The following IFIT1B variants were observed in gnomAD, a reference collection of about 807,000 sequenced individuals.
The protein encoded by IFIT1B is interferon induced protein with tetratricopeptide repeats 1B, also known as protein IFIT1 homolog B.
Under a neutral mutation model 2.5 loss-of-function variants are expected in IFIT1B, and 3 were observed. That is an observed-to-expected ratio of 1.21 (90% CI 0.55 to 3.14). The LOEUF is 3.14. IFIT1B is among the 30% of genes most tolerant of loss of function. The pLI is 0.03. For missense variants in IFIT1B, 545 were observed against 556.5 expected (o/e 0.98, Z 0.21); for synonymous variants, 196 against 203.0 (o/e 0.97, Z 0.29).
Position 89,379,986 on chromosome 10 carries a change from G to A in IFIT1B, c.5+1846G>A, listed in dbSNP as rs187631128. Among the ~76,000 whole-genome samples, 95 of 150,500 alleles carry A rather than the reference G, an allele frequency of 6.3e-4. 1 individual carries two copies. The highest frequency in any genetic ancestry group is 2.2e-3 in the African/African-American group (90 of 40,838). On this transcript the variant is annotated intron_variant, in intron 1 of 1. Coordinates refer to ENST00000371809, the MANE Select transcript of IFIT1B (RefSeq NM_001010987.2). ...GGAGGCGGAGCTTGAAGTGAGCCGA[G>A]ATTGCACCACTGCACTCCAGCCTGG...
At chr10:89,382,167 T>C (rs1844168449) in intron 1 of IFIT1B, among the ~76,000 whole-genome samples, 1 of 152,226 alleles carries the variant, frequency 6.6e-6, no homozygotes, top group Admixed American at 6.5e-5. Flanking sequence ...TATGGTTATA[T>C]TGAGTCAGGA....
chr10:89,384,313 A>G lies in IFIT1B; in HGVS notation c.1000A>G (p.Met334Val), dbSNP rs147931699. 2.9e-5 allele frequency: 47 copies of G among 1,614,238 alleles called. No individual in the cohort carries two copies. The African/African-American group carries it at 4.4e-4, about 15-fold the overall frequency. ...LAICKFEKTI[M>V]LKRTFEMAYV... Reference sequence around the variant, plus strand: ...TATATGCAAATTTGAAAAGACTATAATGTTAAAGCGAACATTTGAGATGGC... The same window carrying G: ...TATATGCAAATTTGAAAAGACTATAGTGTTAAAGCGAACATTTGAGATGGC... The change falls in exon 2 of 2, where the codon ATG becomes GTG. Residue 334 changes from methionine (M) to valine (V), a missense_variant. Physicochemically the swap from Met to Val is conservative, Grantham distance 21. Transcript: ENST00000371809.
rs768589556 is a variant in IFIT1B at position 89,384,288 on chromosome 10, T to C, written c.975T>C (p.Ala325=). The C allele has an allele frequency of 1.2e-6, 2 of 1,614,210 alleles. No homozygotes were observed. Among genetic ancestry groups the C allele is most frequent in the Admixed American group, 3.3e-5 (2 of 60,022 alleles). Residue 325 remains alanine (A), a synonymous_variant, in exon 2 of 2, where the codon GCT becomes GCC. Coordinates refer to ENST00000371809, the MANE Select transcript of IFIT1B (RefSeq NM_001010987.2). The stretch of plus-strand genomic sequence containing the variant: ...CTGTGGACAGATTGGTTCAATTGGC[T>C]ATATGCAAATTTGAAAAGACTATAA... The part of the protein sequence containing the change: ...RETVDRLVQL[A]ICKFEKTIML...
At position 89,384,451 on chromosome 10, in the gene IFIT1B, A is replaced by T. The variant is rs752605143; in HGVS notation, c.1138A>T (p.Ile380Phe). The T allele has an allele frequency of 3.7e-6, 6 of 1,614,114 alleles. No individual in the cohort carries two copies. Among genetic ancestry groups the T allele is most frequent in the Non-Finnish European group, 5.1e-6 (6 of 1,180,064 alleles). Residue 380 changes from isoleucine (I) to phenylalanine (F), a missense_variant, in exon 2 of 2, where the codon ATT becomes TTT. By Grantham distance (21) the Ile-to-Phe change is conservative. Coordinates refer to ENST00000371809, the MANE Select transcript of IFIT1B (RefSeq NM_001010987.2). Reference sequence around the variant, plus strand: ...CTTTGAAGATCAGCTAAAGCAAGAGATTCATTACCACTACGGCCGTTTCCA... The same window carrying T: ...CTTTGAAGATCAGCTAAAGCAAGAGTTTCATTACCACTACGGCCGTTTCCA... ...KIFEDQLKQE[I>F]HYHYGRFQEH...
intron 1 of IFIT1B, among the ~76,000 whole-genome samples, chr10:89,379,430 T>G (rs1347461581): frequency 6.6e-6 from 1 of 152,120 alleles, no homozygotes; most frequent in Non-Finnish European, 1.5e-5. Flanking sequence ...AAATAAGAAA[T>G]TTTGTAGGCA....
intron 1 of IFIT1B, among the ~76,000 whole-genome samples, chr10:89,379,742 A>T (rs1844148410): frequency 6.6e-6 from 1 of 152,108 alleles, no homozygotes; most frequent in African/African-American, 2.4e-5. Flanking sequence ...TGGTCATAAG[A>T]TGTTAGTTGT....
At chr10:89,379,580 G>A (rs1454463137) in intron 1 of IFIT1B, among the ~76,000 whole-genome samples, 2 of 152,208 alleles carry the variant, frequency 1.3e-5, no homozygotes, top group Admixed American at 6.5e-5. Flanking sequence ...GTCAGTGGGA[G>A]AGGAAGAACT....
Position 89,384,612 on chromosome 10 carries a change from T to A in IFIT1B, c.1299T>A (p.Asn433Lys). Residue 433 changes from asparagine to lysine, a missense_variant, in exon 2 of 2, where the codon AAT becomes AAA. Asn to Lys is a moderately conservative substitution (Grantham distance 94). Coordinates refer to ENST00000371809, the MANE Select transcript of IFIT1B (RefSeq NM_001010987.2). ...EKLAKRCIHQ[N>K]VRVVESVSLL... ...TGGCTAAAAGATGTATTCACCAGAA[T>A]GTACGGGTTGTGGAAAGTGTCAGCC... 2 of 1,614,208 alleles carry A rather than the reference T, an allele frequency of 1.2e-6. No individual in the cohort carries two copies.
intron 1 of IFIT1B, among the ~76,000 whole-genome samples, chr10:89,381,029 C>A (rs117488035): frequency 3.3e-5 from 5 of 152,126 alleles, no homozygotes; most frequent in African/African-American, 4.8e-5. Context: ...ATCTAGTATA[C>A]TTTTTTCCAC....
At chr10:89,381,607 A>G (rs1468554786) in intron 1 of IFIT1B, among the ~76,000 whole-genome samples, 1 of 152,158 alleles carries the variant, frequency 6.6e-6, no homozygotes, top group Non-Finnish European at 1.5e-5. Context: ...GGAGGGTCTA[A>G]GCATAGTAGG....
chr10:89,378,735 G>A (rs965967979), intron 1 of IFIT1B, among the ~76,000 whole-genome samples: 2 of 152,170 alleles, frequency 1.3e-5, no homozygotes, highest in Non-Finnish European at 2.9e-5. Context: ...AGATTCAGAG[G>A]GGCAAGATGA....
chr10:89,384,277 G>C lies in IFIT1B; in HGVS notation c.964G>C (p.Val322Leu). The C allele has an allele frequency of 1.2e-6, 2 of 1,614,156 alleles. No homozygotes were observed. Among genetic ancestry groups the C allele is most frequent in the Non-Finnish European group, 1.7e-6 (2 of 1,180,030 alleles). Residue 322 changes from valine (V) to leucine (L), a missense_variant, in exon 2 of 2, where the codon GTT becomes CTT. Coordinates refer to ENST00000371809, the MANE Select transcript of IFIT1B (RefSeq NM_001010987.2). ...AGATAGGGAAACTGTGGACAGATTG[G>C]TTCAATTGGCTATATGCAAATTTGA... The part of the protein sequence containing the change: ...GQDRETVDRL[V>L]QLAICKFEKT...
chr10:89,379,921 G>A (rs1026285946), intron 1 of IFIT1B, among the ~76,000 whole-genome samples: 5 of 152,014 alleles, frequency 3.3e-5, no homozygotes, highest in Non-Finnish European at 7.4e-5. Flanking sequence ...TGTAGTCCCA[G>A]CTACTCAGGA....
At chr10:89,382,894 G>A (rs533320770) in intron 1 of IFIT1B, among the ~76,000 whole-genome samples, 2 of 152,192 alleles carry the variant, frequency 1.3e-5, no homozygotes, top group Non-Finnish European at 2.9e-5. Flanking sequence ...ATGTGTTTAC[G>A]TGTTGAGAAC....
At position 89,378,879 on chromosome 10, in the gene IFIT1B, T is replaced by G. The variant is rs541467401; in HGVS notation, c.5+739T>G. ...ATCTTATTTCCAAAGATGTCATTTC[T>G]GTAGCACTTTCTAATAGAGGGACAA... is the stretch of plus-strand genomic sequence containing the variant. On this transcript the variant is annotated intron_variant, in intron 1 of 1. Transcript: ENST00000371809. Among the ~76,000 whole-genome samples the G allele has an allele frequency of 2.0e-5, 3 of 152,374 alleles. No individual in the cohort carries two copies. In the East Asian group the frequency reaches 5.8e-4, roughly 29 times the overall value.
rs778338379 is a variant in IFIT1B, at chr10:89,384,556, A to C, written c.1243A>C (p.Arg415=). ...GAAAATAGAAAAAATGTCCCATTCC[A>C]GGGAAAAACTTCTCAATGCTTTAGA... ...GLKIEKMSHS[R]EKLLNALEKL... Residue 415 remains arginine (R), a synonymous_variant, in exon 2 of 2, where the codon AGG becomes CGG. Transcript: ENST00000371809. The C allele has an allele frequency of 6.2e-7, 1 of 1,614,196 alleles. No homozygotes were observed. The highest frequency in any genetic ancestry group is 1.7e-5 in the Admixed American group (1 of 60,022).
rs777311029 is a variant in IFIT1B, at chr10:89,384,381, C to A, written c.1068C>A (p.His356Gln). 1 of 1,614,106 alleles carries A rather than the reference C, an allele frequency of 6.2e-7. No homozygotes were observed. The highest frequency in any genetic ancestry group is 8.5e-7 in the Non-Finnish European group (1 of 1,180,022). Residue 356 changes from histidine (H) to glutamine (Q), a missense_variant, in exon 2 of 2, where the codon CAC becomes CAA. Coordinates refer to ENST00000371809, the MANE Select transcript of IFIT1B (RefSeq NM_001010987.2). Reference sequence around the variant, plus strand: ...AAACGTATGCAGAAATAGGCCACCACAGAAAGGCTGAGGAACATTTTCAGA... The same window carrying A: ...AAACGTATGCAGAAATAGGCCACCAAAGAAAGGCTGAGGAACATTTTCAGA... ...LAETYAEIGH[H>Q]RKAEEHFQKG...
chr10:89,383,500 C>T lies in IFIT1B; in HGVS notation c.187C>T (p.His63Tyr), dbSNP rs1844178429. 8 of 1,614,184 alleles carry T rather than the reference C, an allele frequency of 5.0e-6. No homozygotes were observed. The highest frequency in any genetic ancestry group is 5.1e-6 in the Non-Finnish European group (6 of 1,180,036). ...GIHNLLAYVK[H>Y]LKGQNEEALV... is the part of the protein sequence containing the mutation. ...ACACAACCTACTAGCCTATGTGAAA[C>T]ACCTGAAAGGCCAGAATGAGGAAGC... Residue 63 changes from histidine (H) to tyrosine (Y), a missense_variant, in exon 2 of 2, where the codon CAC (histidine) becomes TAC (tyrosine). Transcript: ENST00000371809.
In IFIT1B at chr10:89,383,941, G is replaced by T. The variant is rs765880730; in HGVS notation, c.628G>T (p.Val210Phe). The part of the protein sequence containing the change: ...AFSLHVLKRA[V>F]RLNPDDVYIR... ...TTCTCTGCACGTCCTAAAACGAGCT[G>T]TCAGGCTAAATCCAGATGATGTATA... is the stretch of plus-strand genomic sequence containing the variant. Residue 210 changes from valine (V) to phenylalanine (F), a missense_variant, in exon 2 of 2, where the codon GTC becomes TTC. Physicochemically the swap from Val to Phe is conservative, Grantham distance 50. Transcript: ENST00000371809. 7 of 1,614,184 alleles carry T rather than the reference G, an allele frequency of 4.3e-6. No individual in the cohort carries two copies. The highest frequency in any genetic ancestry group is 5.9e-6 in the Non-Finnish European group (7 of 1,180,036).
Sources: allele counts gnomAD v4.1 joint callset (sites outside exome capture counted in the v4.1 genomes callset), GRCh38; gene constraint gnomAD v4.1.1; transcripts MANE v1.5; gene names NCBI Gene and HGNC (gene_info 2026-07-23, HGNC 2026-07-21).